NPSR1: variants seen among roughly 807,000 people sequenced by gnomAD.
NPSR1 encodes the protein neuropeptide S receptor.
A neutral mutation model predicts 46.9 loss-of-function variants in NPSR1; 48 were observed. The observed-to-expected ratio is 1.02, with a 90% CI of 0.81 to 1.30. The LOEUF (loss-of-function observed/expected upper bound fraction) is 1.30, where lower values mean the gene tolerates loss of function less well. Among genes scored for constraint, NPSR1 ranks in the 50% most tolerant of loss-of-function variants. The pLI is 0.00. For synonymous variants in NPSR1, 176 were observed against 168.1 expected (o/e 1.05, Z -0.36); for missense variants, 450 against 449.5 (o/e 1.00, Z -0.01).
intron 2 of NPSR1, among the ~76,000 whole-genome samples, chr7:34,720,041 G>A (rs1783773242): frequency 6.6e-6 from 1 of 151,764 alleles, no homozygotes; most frequent in Non-Finnish European, 1.5e-5. Flanking sequence ...CAGCACTTTG[G>A]GAGGCCGAGG....
chr7:34,829,688 A>G (rs1244082724), intron 5 of NPSR1, among the ~76,000 whole-genome samples: 1 of 152,100 alleles, frequency 6.6e-6, no homozygotes, highest in Non-Finnish European at 1.5e-5. Flanking sequence ...TGATTTCCCC[A>G]TTAATTTGGG....
At chr7:34,828,730 CCT>C (rs1789977564) in intron 5 of NPSR1, among the ~76,000 whole-genome samples, 1 of 152,156 alleles carries the variant, frequency 6.6e-6, no homozygotes, top group African/African-American at 2.4e-5. Flanking sequence ...CTGGTTATTT[CCT>C]CATAACTCAT....
At chr7:34,818,181 C>T (rs1789348960) in intron 4 of NPSR1, among the ~76,000 whole-genome samples, 1 of 151,772 alleles carries the variant, frequency 6.6e-6, no homozygotes, top group South Asian at 2.1e-4. Context: ...ATTGTCTCAG[C>T]CCAAAATCTC....
chr7:34,783,944 T>A (rs1584011403), intron 3 of NPSR1, among the ~76,000 whole-genome samples: 1 of 151,928 alleles, frequency 6.6e-6, no homozygotes, highest in East Asian at 1.9e-4. Context: ...GAGAAAGATT[T>A]CCCCAGACAA....
At chr7:34,667,049 C>A (rs1346022986) in intron 1 of NPSR1, among the ~76,000 whole-genome samples, 11 of 152,094 alleles carry the variant, frequency 7.2e-5, no homozygotes, top group Admixed American at 6.5e-4. Flanking sequence ...AAAAAACTAC[C>A]CAAAACATTT....
At chr7:34,712,583 G>T (rs1259308905) in intron 2 of NPSR1, among the ~76,000 whole-genome samples, 1 of 152,154 alleles carries the variant, frequency 6.6e-6, no homozygotes, top group African/African-American at 2.4e-5. Flanking sequence ...AGTAGGTGGA[G>T]GCCAGACTAT....
At position 34,798,672 on chromosome 7, in the gene NPSR1, ATCT is replaced by A. The variant is rs766388416; in HGVS notation, c.385-13093_385-13091del. 9.8e-5 allele frequency among the ~76,000 whole-genome samples: 15 copies of A among 152,326 alleles called. 1 individual carries two copies. The highest frequency in any genetic ancestry group is 2.1e-4 in the Non-Finnish European group (14 of 68,022). ...ACTTCATCCAGTAATAGCAGAATAT[ATCT>A]TCTTATCAAACTTATATGCGATTTC... On this transcript the variant is annotated intron_variant, in intron 3 of 8. Coordinates refer to ENST00000360581, the MANE Select transcript of NPSR1 (RefSeq NM_207172.2).
At position 34,762,314 on chromosome 7, in the gene NPSR1, T is replaced by C. The variant is rs185291687; in HGVS notation, c.281-16148T>C. Among the ~76,000 whole-genome samples, 3 of 152,242 alleles carry C rather than the reference T, an allele frequency of 2.0e-5. No homozygotes were observed. In the East Asian group the frequency reaches 5.8e-4, roughly 29 times the overall value. Reference sequence around the variant, plus strand: ...TAATAAAGAGCCGGGGAGTTGACAGTTTAGACCATTAGGCTTAGCTGGTAC... The same window carrying C: ...TAATAAAGAGCCGGGGAGTTGACAGCTTAGACCATTAGGCTTAGCTGGTAC... On this transcript the variant is annotated intron_variant, in intron 2 of 8. Transcript: ENST00000360581.
At chr7:34,677,774 A>T (rs1562644884) in intron 1 of NPSR1, among the ~76,000 whole-genome samples, 2 of 152,204 alleles carry the variant, frequency 1.3e-5, no homozygotes, top group Non-Finnish European at 2.9e-5. Flanking sequence ...GGCTGGGGCC[A>T]TCTCCAGTGA....
downstream of NPSR1, among the ~76,000 whole-genome samples, chr7:34,852,826 C>T (rs919493761): frequency 5.5e-4 from 83 of 152,154 alleles, 3 homozygotes; most frequent in Non-Finnish European, 1.5e-5. Context: ...TACATTATTG[C>T]ATGGCATCAG....
At chr7:34,703,459 T>G (rs527390326) in intron 2 of NPSR1, among the ~76,000 whole-genome samples, 2 of 152,230 alleles carry the variant, frequency 1.3e-5, no homozygotes, top group East Asian at 3.9e-4. Context: ...CACACTTGAT[T>G]GTCTTATTTT....
At chr7:34,670,140 A>T (rs1417177295) in intron 1 of NPSR1, among the ~76,000 whole-genome samples, 1 of 152,212 alleles carries the variant, frequency 6.6e-6, no homozygotes, top group Non-Finnish European at 1.5e-5. Context: ...TTATTTAAAA[A>T]ATAGGTGAGA....
chr7:34,715,425 A>G (rs537634142), intron 2 of NPSR1, among the ~76,000 whole-genome samples: 3 of 152,346 alleles, frequency 2.0e-5, no homozygotes, highest in African/African-American at 7.2e-5. Flanking sequence ...ACCTCTACCA[A>G]GGAATTGTCA....
chr7:34,711,047 A>G (rs1464766862), intron 2 of NPSR1: 5 of 344,044 alleles, frequency 1.5e-5, no homozygotes, highest in Non-Finnish European at 2.3e-5. Context: ...GATCAGAGAT[A>G]TCAATGATGT....
rs62462891 is a variant in NPSR1 at position 34,780,141 on chromosome 7, C to A, written c.384+1576C>A. Among the ~76,000 whole-genome samples, 7 of 152,082 alleles carry A rather than the reference C, an allele frequency of 4.6e-5. 1 individual carries two copies. The highest frequency in any genetic ancestry group is 1.7e-4 in the African/African-American group (7 of 41,430). ...AGTGGCAACATATTTATGAACTAGT[C>A]TCAAAGGTCATACACCATCACTTTC... On this transcript the variant is annotated intron_variant, in intron 3 of 8. Transcript: ENST00000360581.
intron 2 of NPSR1, among the ~76,000 whole-genome samples, chr7:34,733,302 C>T (rs1025819506): frequency 2.0e-5 from 3 of 151,992 alleles, no homozygotes; most frequent in African/African-American, 7.3e-5. Flanking sequence ...TGCCTGTAAT[C>T]CCAGCTACTG....
At chr7:34,722,828 TAGA>T (rs751370806) in intron 2 of NPSR1, among the ~76,000 whole-genome samples, 1 of 152,164 alleles carries the variant, frequency 6.6e-6, no homozygotes, top group Non-Finnish European at 1.5e-5. Flanking sequence ...CTTGAGCCAC[TAGA>T]AGATCAGTCT....
At chr7:34,827,321 TC>T in intron 4 of NPSR1, 79 bp from the exon 5 acceptor site, 1 of 1,245,390 alleles carries the variant, frequency 8.0e-7, no homozygotes. Context: ...CCCACAGTGA[TC>T]CTTTTCTATA....
At chr7:34,876,533 C>T (rs6958041) in intron 8 of NPSR1, among the ~76,000 whole-genome samples, 13,556 of 152,196 alleles carry the variant, frequency 0.089, 1,683 homozygotes, top group African/African-American at 0.28. Flanking sequence ...GCCCATGTCA[C>T]CCCCTGAGAA....
Sources: allele counts gnomAD v4.1 joint callset (sites outside exome capture counted in the v4.1 genomes callset), GRCh38; gene constraint gnomAD v4.1.1; transcripts MANE v1.5; gene names NCBI Gene and HGNC (gene_info 2026-07-23, HGNC 2026-07-21).